RGS5: variants seen among roughly 807,000 people sequenced by gnomAD.
RGS5 encodes the protein regulator of G protein signaling 5.
RGS5 carries 20 observed loss-of-function variants against 18.9 expected under a neutral mutation model. That is an observed-to-expected ratio of 1.06 (90% CI 0.74 to 1.54). The LOEUF (loss-of-function observed/expected upper bound fraction) is 1.54, where lower values mean the gene tolerates loss of function less well. RGS5 is among the 40% of genes most tolerant of loss of function. The pLI, the probability that RGS5 is intolerant of heterozygous loss-of-function variation, is 0.00. For synonymous variants in RGS5, 57 were observed against 76.2 expected (o/e 0.75, Z 1.31); for missense variants, 201 against 211.8 (o/e 0.95, Z 0.32).
intron 1 of RGS5, among the ~76,000 whole-genome samples, chr1:163,315,719 C>A (rs1650001165): frequency 1.3e-5 from 2 of 152,108 alleles, no homozygotes; most frequent in African/African-American, 4.8e-5. Context: ...TAAAGATGAA[C>A]ACAGCTGAGA....
intron 3 of RGS5, among the ~76,000 whole-genome samples, chr1:163,154,868 TATATAG>T (rs1022779242): frequency 1.5e-4 from 23 of 149,418 alleles, no homozygotes; most frequent in Non-Finnish European, 2.5e-4. Context: ...TATTTTAGTC[TATATAG>T]ATATAGATAT....
chr1:163,158,689 T>TGGA (rs1229458256), intron 3 of RGS5, among the ~76,000 whole-genome samples: 1 of 151,862 alleles, frequency 6.6e-6, no homozygotes, highest in Non-Finnish European at 1.5e-5. Context: ...ACGAGGCAAA[T>TGGA]GGAGGCAGGG....
chr1:163,187,795 C>T (rs1018746224), intron 1 of RGS5, among the ~76,000 whole-genome samples: 2 of 152,110 alleles, frequency 1.3e-5, no homozygotes, highest in East Asian at 1.9e-4. Context: ...GAGCCACTCC[C>T]GCAAATTAAC....
At chr1:163,279,325 T>C (rs376917170) in intron 2 of RGS5, among the ~76,000 whole-genome samples, 1 of 152,024 alleles carries the variant, frequency 6.6e-6, no homozygotes, top group African/African-American at 2.4e-5. Context: ...AGTATCTTCT[T>C]GGATCACAAT....
At chr1:163,273,137 C>T (rs1048053901) in intron 2 of RGS5, among the ~76,000 whole-genome samples, 1 of 151,966 alleles carries the variant, frequency 6.6e-6, no homozygotes, top group Non-Finnish European at 1.5e-5. Flanking sequence ...TGCATTGAGA[C>T]GTATTTAGTG....
intron 2 of RGS5, among the ~76,000 whole-genome samples, chr1:163,236,226 A>G (rs1647618783): frequency 6.6e-6 from 1 of 151,990 alleles, no homozygotes; most frequent in South Asian, 2.1e-4. Flanking sequence ...AAATTTCCCA[A>G]AACACCTCAT....
intron 1 of RGS5, among the ~76,000 whole-genome samples, chr1:163,317,506 TTAC>T (rs1199417999): frequency 1.3e-5 from 2 of 152,216 alleles, no homozygotes; most frequent in Admixed American, 6.5e-5. Context: ...TTTCCCTGGA[TTAC>T]TACAATTATC....
At chr1:163,252,846 G>C (rs1334383504) in intron 2 of RGS5, among the ~76,000 whole-genome samples, 1 of 152,092 alleles carries the variant, frequency 6.6e-6, no homozygotes, top group Non-Finnish European at 1.5e-5. Flanking sequence ...TCTAGCCTTG[G>C]ATTTACCATT....
chr1:163,280,011 T>TA (rs1208669847), intron 2 of RGS5, among the ~76,000 whole-genome samples: 1 of 151,958 alleles, frequency 6.6e-6, no homozygotes, highest in Non-Finnish European at 1.5e-5. Flanking sequence ...GAATCAGTAA[T>TA]AAAAAATTTC....
Position 163,186,308 on chromosome 1 carries a change from A to C in RGS5, c.44+16484T>G, listed in dbSNP as rs193243966. On this transcript the variant is annotated intron_variant, in intron 1 of 4. Transcript: ENST00000313961. ...CTGGTCTTGAACTCCTTACCTCGTGATCTGCCCACCTCGGCCTCCCAAAGT... is the reference window on the plus strand; with the variant it reads ...CTGGTCTTGAACTCCTTACCTCGTGCTCTGCCCACCTCGGCCTCCCAAAGT... Among the ~76,000 whole-genome samples the C allele has an allele frequency of 6.0e-4, 91 of 152,112 alleles. 1 individual carries two copies. Among genetic ancestry groups the C allele is most frequent in the Admixed American group, 3.0e-3 (46 of 15,268 alleles).
intron 2 of RGS5, among the ~76,000 whole-genome samples, chr1:163,252,119 T>A (rs189362358): frequency 6.6e-6 from 1 of 152,162 alleles, no homozygotes; most frequent in East Asian, 1.9e-4. Flanking sequence ...TGCAGTCCCA[T>A]GAGCAATGTA....
intron 2 of RGS5, among the ~76,000 whole-genome samples, chr1:163,277,787 T>C (rs893989404): frequency 4.6e-5 from 7 of 152,070 alleles, no homozygotes; most frequent in African/African-American, 1.7e-4. Flanking sequence ...AAGGAAACAA[T>C]TCATGATCCA....
chr1:163,246,425 G>T (rs188161235), intron 2 of RGS5, among the ~76,000 whole-genome samples: 192 of 151,652 alleles, frequency 1.3e-3, no homozygotes, highest in Non-Finnish European at 2.2e-3. Flanking sequence ...CAAAAAATTA[G>T]CTGGGCACAG....
At chr1:163,266,669 C>T (rs1361155034) in intron 2 of RGS5, 1 of 152,150 alleles carries the variant, frequency 6.6e-6, no homozygotes, top group Non-Finnish European at 1.5e-5. Context: ...CTCTCAGCTT[C>T]CTCAGGTAGA....
At chr1:163,257,027 C>T (rs1648291637) in intron 2 of RGS5, among the ~76,000 whole-genome samples, 1 of 152,122 alleles carries the variant, frequency 6.6e-6, no homozygotes, top group African/African-American at 2.4e-5. Flanking sequence ...ATTTACTCAG[C>T]ACATATATTT....
intron 1 of RGS5, among the ~76,000 whole-genome samples, chr1:163,180,881 A>G (rs1176077270): frequency 2.0e-5 from 3 of 151,562 alleles, no homozygotes; most frequent in African/African-American, 4.9e-5. Flanking sequence ...TTTTTAGTAG[A>G]GACGGGGTTA....
At chr1:163,306,588 T>C (rs1266969962) in intron 1 of RGS5, among the ~76,000 whole-genome samples, 3 of 152,178 alleles carry the variant, frequency 2.0e-5, no homozygotes, top group Non-Finnish European at 2.9e-5. Flanking sequence ...AAAAGAGATA[T>C]GTTGAAATCC....
At position 163,186,234 on chromosome 1, in the gene RGS5, C is replaced by G. The variant is rs1045782657; in HGVS notation, c.44+16558G>C. On this transcript the variant is annotated intron_variant, in intron 1 of 4. Coordinates refer to ENST00000313961, the MANE Select transcript of RGS5 (RefSeq NM_003617.4). ...TACAGGTGCCCACCACCACGCCTGGCTAATTTTTGTATTTTTAGTAGAGAC... is the reference window on the plus strand; with the variant it reads ...TACAGGTGCCCACCACCACGCCTGGGTAATTTTTGTATTTTTAGTAGAGAC... 4.6e-4 allele frequency among the ~76,000 whole-genome samples: 70 copies of G among 151,836 alleles called. 1 individual carries two copies. Among genetic ancestry groups the G allele is most frequent in the African/African-American group, 1.7e-3 (69 of 41,316 alleles).
chr1:163,202,363 TC>T (rs1281556701), intron 1 of RGS5, among the ~76,000 whole-genome samples: 3 of 152,174 alleles, frequency 2.0e-5, no homozygotes, highest in Non-Finnish European at 4.4e-5. Context: ...TCTCGGTATC[TC>T]CATTTTACAG....
Sources: gnomAD v4.1 joint callset for allele counts (sites outside exome capture counted in the v4.1 genomes callset) on GRCh38, gnomAD v4.1.1 for gene constraint, MANE v1.5 for transcripts, NCBI Gene and HGNC (gene_info 2026-07-23, HGNC 2026-07-21) for gene names.